The following SPNS2 variants were observed in gnomAD, a reference collection of about 807,000 sequenced individuals.
The protein encoded by SPNS2 is sphingosine-1-phosphate transporter SPNS2.
A neutral mutation model predicts 57.6 loss-of-function variants in SPNS2; 37 were observed. That is an observed-to-expected ratio of 0.64 (90% confidence interval 0.49 to 0.85). The LOEUF (loss-of-function observed/expected upper bound fraction) is 0.85, where lower values mean the gene tolerates loss of function less well. Among genes scored for constraint, SPNS2 ranks in the 40% least tolerant of loss-of-function variants. The pLI is 0.00. For synonymous variants in SPNS2, 440 were observed against 346.9 expected, an observed-to-expected ratio of 1.27 and a Z score of -2.98; for missense variants, 831 against 779.1, an observed-to-expected ratio of 1.07 and a Z score of -0.79.
rs865854746 is a variant in SPNS2, at chr17:4,515,597, A to G, written c.436+2285A>G. ...GGTGCCCTCACCCCTTTGGCCACCT[A>G]AGCCAAGAAGCCAGTCGAGTAGACC... On this transcript the variant is annotated intron_variant, in intron 2 of 12. Transcript: ENST00000329078. Among the ~76,000 whole-genome samples, 6 of 152,358 alleles carry G rather than the reference A, an allele frequency of 3.9e-5. No homozygotes were observed. The South Asian group carries it at 1.2e-3, about 32-fold the overall frequency.
At chr17:4,508,720 C>G in intron 1 of SPNS2, among the ~76,000 whole-genome samples, 1 of 152,200 alleles carries the variant, frequency 6.6e-6, no homozygotes. Flanking sequence ...CAGCGCCTGG[C>G]ACAAAGTAGT....
At chr17:4,515,677 G>A (rs1256036035) in intron 2 of SPNS2, among the ~76,000 whole-genome samples, 1 of 152,250 alleles carries the variant, frequency 6.6e-6, no homozygotes, top group Non-Finnish European at 1.5e-5. Context: ...TGTGTCCCAG[G>A]CACCTGTGCC....
chr17:4,526,484 T>A (rs1905265079), intron 3 of SPNS2, among the ~76,000 whole-genome samples: 1 of 151,728 alleles, frequency 6.6e-6, no homozygotes, highest in African/African-American at 2.4e-5. Flanking sequence ...ATGCCTATAA[T>A]CCCAGCTACT....
At chr17:4,529,741 G>C (rs1158425499) in intron 3 of SPNS2, among the ~76,000 whole-genome samples, 1 of 152,208 alleles carries the variant, frequency 6.6e-6, no homozygotes, top group African/African-American at 2.4e-5. Flanking sequence ...GGCCAAGGCT[G>C]TAGGCAGGTG....
intron 6 of SPNS2, 56 bp from the exon 7 acceptor site, chr17:4,532,921 C>T: frequency 6.4e-7 from 1 of 1,574,502 alleles, no homozygotes; most frequent in Non-Finnish European, 8.6e-7. Context: ...CATGGGGCTG[C>T]CTAGGGGGGT....
chr17:4,533,702 G>C (rs1163663238), intron 8 of SPNS2, 86 bp from the exon 9 acceptor site: 5 of 1,482,412 alleles, frequency 3.4e-6, no homozygotes, highest in Non-Finnish European at 4.7e-6. Context: ...TGGGCTCCCT[G>C]CCAGCAGCCA....
intron 1 of SPNS2, among the ~76,000 whole-genome samples, chr17:4,506,912 A>C (rs940444779): frequency 3.9e-5 from 6 of 152,270 alleles, no homozygotes; most frequent in African/African-American, 1.4e-4. Context: ...GCCACTTCTG[A>C]AATGGGCAAC....
chr17:4,524,465 A>G (rs1032621312), intron 2 of SPNS2, among the ~76,000 whole-genome samples: 2 of 152,250 alleles, frequency 1.3e-5, no homozygotes, highest in African/African-American at 4.8e-5. Context: ...TGGGTGGATC[A>G]CTTGAGGCCA....
At chr17:4,536,778 C>A in intron 11 of SPNS2, 122 bp from the exon 12 acceptor site, 1 of 796,318 alleles carries the variant, frequency 1.3e-6, no homozygotes, top group Non-Finnish European at 2.2e-6. Flanking sequence ...CCCCCTGGGG[C>A]TGACGAGGTC....
intron 3 of SPNS2, among the ~76,000 whole-genome samples, chr17:4,528,158 G>C (rs1350441948): frequency 6.6e-6 from 1 of 151,816 alleles, no homozygotes; most frequent in African/African-American, 2.4e-5. Context: ...AAGTAGCTGG[G>C]ATTACAGGCA....
intron 2 of SPNS2, among the ~76,000 whole-genome samples, chr17:4,514,213 A>G (rs1904927128): frequency 6.6e-6 from 1 of 152,190 alleles, no homozygotes; most frequent in Non-Finnish European, 1.5e-5. Flanking sequence ...TGCCCTAGTC[A>G]TGCTGTGTGG....
chr17:4,520,722 G>A (rs1038539770), intron 2 of SPNS2, among the ~76,000 whole-genome samples: 7 of 152,144 alleles, frequency 4.6e-5, no homozygotes, highest in Non-Finnish European at 1.0e-4. Context: ...GCAGTCTGGG[G>A]AGTGATTTAG....
rs1043852537 is a variant in SPNS2, at chr17:4,537,613, G to C, written c.*165G>C. ...TGCTGAGTGGCCCTGGCATCAAGAA[G>C]AGGCTGTGTCCTCAGTTACCCTGGA... is the stretch of plus-strand genomic sequence containing the variant. On this transcript the variant is annotated 3_prime_UTR_variant, in exon 13 of 13. Coordinates refer to ENST00000329078, the MANE Select transcript of SPNS2 (RefSeq NM_001124758.3). The C allele has an allele frequency of 2.2e-6, 1 of 456,786 alleles. No homozygotes were observed. Among genetic ancestry groups the C allele is most frequent in the Admixed American group, 2.3e-5 (1 of 42,590 alleles). The allele number at this position is 456,786 out of a possible 1,614,324, so 28.3% of individuals were successfully genotyped here.
At chr17:4,536,221 C>T (rs769560270) in intron 10 of SPNS2, 42 bp from the exon 11 acceptor site, 3 of 1,608,620 alleles carry the variant, frequency 1.9e-6, no homozygotes, top group Non-Finnish European at 2.5e-6. Context: ...TGGGGGACTG[C>T]AGGAGGGCTC....
rs534003444 is a variant in SPNS2 at position 4,534,741 on chromosome 17, G to A, written c.1344+888G>A. Among the ~76,000 whole-genome samples, 10 of 152,050 alleles carry A rather than the reference G, an allele frequency of 6.6e-5. No homozygotes were observed. In the East Asian group the frequency reaches 9.7e-4, roughly 15 times the overall value. On this transcript the variant is annotated intron_variant, in intron 9 of 12. Transcript: ENST00000329078. ...TGCGGTGGTGGTGGGGAGGCCTGGC[G>A]CAGTTCAGAGCCTCAGCACGGAGCC...
In SPNS2 at chr17:4,512,656, A is replaced by G. The variant is rs1241943252; in HGVS notation, c.371-591A>G. 6.8e-6 allele frequency among the ~76,000 whole-genome samples: 1 copy of G among 147,632 alleles called. No individual in the cohort carries two copies. The highest frequency in any genetic ancestry group is 6.6e-5 in the Admixed American group (1 of 15,064). On this transcript the variant is annotated intron_variant, in intron 1 of 12. Transcript: ENST00000329078. This position sits in a 1 kb window ranked among gnomAD's most constrained non-coding sequence, Gnocchi z 5.2. ...AGTGTGTGTGTGTGCGTGCGCGCGC[A>G]CGGGTATGTGTGTGCGCGCGTGGGT...
At chr17:4,521,960 A>C (rs1250462507) in intron 2 of SPNS2, among the ~76,000 whole-genome samples, 1 of 152,240 alleles carries the variant, frequency 6.6e-6, no homozygotes, top group Non-Finnish European at 1.5e-5. Flanking sequence ...GCACTTTGGG[A>C]GGCCGAGGCA....
intron 2 of SPNS2, among the ~76,000 whole-genome samples, chr17:4,524,116 C>T (rs143127240): frequency 1.4e-4 from 22 of 152,334 alleles, no homozygotes; most frequent in Non-Finnish European, 2.8e-4. Context: ...GGTGCGAAAT[C>T]TGGAGTTCCA....
Position 4,538,990 on chromosome 17 carries a change from C to A in SPNS2, c.*1542C>A. On this transcript the variant is annotated 3_prime_UTR_variant, in exon 13 of 13. Coordinates refer to ENST00000329078, the MANE Select transcript of SPNS2 (RefSeq NM_001124758.3). ...AATCTCAGAGTCTTAAGAGAGAAGC[C>A]AAATATATTCCTCTTGTAAATGAAG... 1.2e-6 allele frequency: 1 copy of A among 805,394 alleles called. No individual in the cohort carries two copies. Among genetic ancestry groups the A allele is most frequent in the South Asian group, 1.3e-5 (1 of 75,078 alleles). 49.9% of individuals were successfully genotyped at this position (805,394 alleles called of 1,614,324 possible). A position where few individuals can be genotyped will look rare whatever the true frequency, so the allele number is the denominator to read the frequency against.
Sources: allele counts gnomAD v4.1 joint callset (sites outside exome capture counted in the v4.1 genomes callset), GRCh38; gene constraint gnomAD v4.1.1; non-coding constraint Gnocchi (gnomAD v3.1); transcripts MANE v1.5; gene names NCBI Gene and HGNC (gene_info 2026-07-23, HGNC 2026-07-21).